BNIP2: variants seen among roughly 807,000 people sequenced by gnomAD.
BNIP2 encodes BCL2/adenovirus E1B 19 kDa protein-interacting protein 2.
A neutral mutation model predicts 43.4 loss-of-function variants in BNIP2; 36 were observed. That is an observed-to-expected ratio of 0.83 (90% CI 0.64 to 1.10). The LOEUF (loss-of-function observed/expected upper bound fraction) is 1.10. BNIP2 is among the 50% of genes least tolerant of loss of function. BNIP2 has a pLI of 0.00. For missense variants in BNIP2, 417 were observed against 374.1 expected (o/e 1.11, Z -0.95); for synonymous variants, 146 against 121.0 (o/e 1.21, Z -1.35).
intron 9 of BNIP2, among the ~76,000 whole-genome samples, chr15:59,666,069 CT>C (rs1487997583): frequency 1.9e-5 from 2 of 107,976 alleles, no homozygotes; most frequent in Non-Finnish European, 4.4e-5. Flanking sequence ...TTAAACTCCC[CT>C]GAAACATTTT....
chr15:59,683,795 G>C (rs1400983415), intron 1 of BNIP2, among the ~76,000 whole-genome samples: 1 of 152,206 alleles, frequency 6.6e-6, no homozygotes. Context: ...CTCCAGTCTG[G>C]GTGACAGAGC....
At position 59,663,977 on chromosome 15, in the gene BNIP2, TA is replaced by T; in HGVS notation, c.*91del. 1 of 1,028,390 alleles carries T rather than the reference TA, an allele frequency of 9.7e-7. No homozygotes were observed. Among genetic ancestry groups the T allele is most frequent in the Non-Finnish European group, 1.4e-6 (1 of 719,254 alleles). The allele number at this position is 1,028,390 out of a possible 1,614,324, so 63.7% of individuals were successfully genotyped here. A position where few individuals can be genotyped will look rare whatever the true frequency, so the allele number is the denominator to read the frequency against. On this transcript the variant is annotated 3_prime_UTR_variant, in exon 10 of 10. Coordinates refer to ENST00000607373, the MANE Select transcript of BNIP2 (RefSeq NM_004330.4). ...CAAGTCTATTTTGTAACAGGTTACA[TA>T]AAAATATGGGCCAATAAATGCATTA...
chr15:59,670,642 G>T (rs1460405529), intron 7 of BNIP2, among the ~76,000 whole-genome samples: 1 of 152,158 alleles, frequency 6.6e-6, no homozygotes, highest in Non-Finnish European at 1.5e-5. Context: ...TACTTTGTAA[G>T]TTTGAAGAAT....
chr15:59,677,180 G>C lies in BNIP2; in HGVS notation c.472+731C>G, dbSNP rs1893357920. The stretch of plus-strand genomic sequence containing the variant: ...TTTACTACCTCTGCATCTTATTGAA[G>C]GATCCAGTGGAACCACATGGGATAT... On this transcript the variant is annotated intron_variant, in intron 5 of 9. Coordinates refer to ENST00000607373, the MANE Select transcript of BNIP2 (RefSeq NM_004330.4). 3.0e-5 allele frequency: 48 copies of C among 1,594,160 alleles called. No individual in the cohort carries two copies. The South Asian group carries it at 5.0e-4, about 16-fold the overall frequency.
intron 1 of BNIP2, 150 bp downstream of exon 1, chr15:59,688,985 C>T (rs1894207453): frequency 6.9e-7 from 1 of 1,442,630 alleles, no homozygotes; most frequent in Non-Finnish European, 9.0e-7. Flanking sequence ...ACCTCCCGAG[C>T]AGGTTCTATG....
intron 7 of BNIP2, 28 bp downstream of exon 7, chr15:59,671,154 GA>G (rs1357675877): frequency 4.6e-6 from 7 of 1,519,334 alleles, no homozygotes; most frequent in Non-Finnish European, 5.3e-6. Flanking sequence ...AATTTTTTCA[GA>G]CTAGCTTTCA....
intron 1 of BNIP2, among the ~76,000 whole-genome samples, chr15:59,683,971 TA>T: frequency 6.6e-6 from 1 of 152,358 alleles, no homozygotes; most frequent in Middle Eastern, 3.4e-3. Context: ...ACCAGTCTTC[TA>T]AAAGAAAAAT....
At chr15:59,675,816 A>G (rs117855194) in intron 5 of BNIP2, among the ~76,000 whole-genome samples, 1 of 152,258 alleles carries the variant, frequency 6.6e-6, no homozygotes, top group African/African-American at 2.4e-5. Flanking sequence ...ACGTGCAACA[A>G]CATGGATGAA....
intron 1 of BNIP2, among the ~76,000 whole-genome samples, chr15:59,686,812 T>C (rs1595710713): frequency 1.3e-5 from 2 of 150,562 alleles, no homozygotes; most frequent in African/African-American, 4.9e-5. Flanking sequence ...ACGTCAGGAG[T>C]TCAAGACCAG....
At chr15:59,672,020 G>A (rs6151540) in intron 6 of BNIP2, among the ~76,000 whole-genome samples, 2 of 152,092 alleles carry the variant, frequency 1.3e-5, no homozygotes, top group Admixed American at 1.3e-4. Flanking sequence ...AGGCTGCAGG[G>A]AGCCGTAGTT....
chr15:59,672,385 C>T (rs1595693811), intron 6 of BNIP2: 1 of 288,010 alleles, frequency 3.5e-6, no homozygotes, highest in Non-Finnish European at 6.5e-6. Flanking sequence ...GTGATACTTC[C>T]ACCTCAGCCT....
At chr15:59,688,538 G>C (rs1477509872) in intron 1 of BNIP2, 3 of 622,788 alleles carry the variant, frequency 4.8e-6, no homozygotes, top group East Asian at 3.1e-5. Context: ...ACTCTCCAGC[G>C]GCATGAAATG....
chr15:59,659,303 A>G lies in BNIP2; in HGVS notation c.*4766T>C, dbSNP rs1210758910. 6.6e-6 allele frequency: 1 copy of G among 152,250 alleles called. No individual in the cohort carries two copies. Among genetic ancestry groups the G allele is most frequent in the Non-Finnish European group, 1.5e-5 (1 of 68,046 alleles). 9.4% of individuals were successfully genotyped at this position (152,250 alleles called of 1,614,324 possible). On this transcript the variant is annotated 3_prime_UTR_variant, in exon 10 of 10. Coordinates refer to ENST00000607373, the MANE Select transcript of BNIP2 (RefSeq NM_004330.4). ...GGTATTTCTTACAGGGACCACATTA[A>G]TATCTTGCACACACAGACATCAGAA...
intron 1 of BNIP2, among the ~76,000 whole-genome samples, chr15:59,687,595 G>C (rs1342158524): frequency 6.6e-6 from 1 of 151,472 alleles, no homozygotes; most frequent in African/African-American, 2.4e-5. Context: ...ATCATTTTTT[G>C]CTCCTGACCT....
chr15:59,683,727 G>T (rs1183537079), intron 1 of BNIP2, among the ~76,000 whole-genome samples: 1 of 152,190 alleles, frequency 6.6e-6, no homozygotes, highest in Non-Finnish European at 1.5e-5. Flanking sequence ...GCTGAGGCAG[G>T]AGAATCGCTT....
intron 1 of BNIP2, among the ~76,000 whole-genome samples, chr15:59,686,616 G>T (rs1181566596): frequency 1.3e-5 from 2 of 152,124 alleles, no homozygotes; most frequent in Non-Finnish European, 2.9e-5. Flanking sequence ...CCAACAGCCT[G>T]TATGTTTAGG....
chr15:59,678,819 T>A, intron 4 of BNIP2: 1 of 1,303,220 alleles, frequency 7.7e-7, no homozygotes, highest in Non-Finnish European at 1.0e-6. Flanking sequence ...ACGGAAAATA[T>A]CCTTCCAGGA....
At chr15:59,678,365 T>C (rs1893444661) in intron 4 of BNIP2, 43 of 1,143,458 alleles carry the variant, frequency 3.8e-5, no homozygotes, top group Non-Finnish European at 4.5e-5. Flanking sequence ...ATATAATTTG[T>C]AGAGTCATCA....
rs887095226 is a variant in BNIP2 at position 59,678,911 on chromosome 15, T to A, written c.295+681A>T. ...TTCAGTATCTTTACAAAGTATTGCT[T>A]ACTACTGGACTGTTTATTGAACCAG... is the stretch of plus-strand genomic sequence containing the variant. On this transcript the variant is annotated intron_variant, in intron 4 of 9. Coordinates refer to ENST00000607373, the MANE Select transcript of BNIP2 (RefSeq NM_004330.4). 7.9e-6 allele frequency: 10 copies of A among 1,271,536 alleles called. No homozygotes were observed. The South Asian group carries it at 1.3e-4, about 16-fold the overall frequency. 78.8% of individuals were successfully genotyped at this position (1,271,536 alleles called of 1,614,324 possible).
Sources: allele counts gnomAD v4.1 joint callset (sites outside exome capture counted in the v4.1 genomes callset), GRCh38; gene constraint gnomAD v4.1.1; transcripts MANE v1.5; gene names NCBI Gene and HGNC (gene_info 2026-07-23, HGNC 2026-07-21).